The following HSPA12A variants were observed in gnomAD, a reference collection of about 807,000 sequenced individuals.
HSPA12A encodes the protein heat shock 70 kDa protein 12A.
HSPA12A carries 28 observed loss-of-function variants against 69.2 expected under a neutral mutation model. The observed-to-expected ratio is 0.40, with a 90% CI of 0.30 to 0.55. HSPA12A has a LOEUF of 0.55. HSPA12A is among the 20% of genes least tolerant of loss of function. The probability of loss-of-function intolerance (pLI) is 0.38; values close to 1 mark genes in which losing one functional copy is unlikely to be tolerated. For synonymous variants in HSPA12A, 345 were observed against 370.5 expected, an observed-to-expected ratio of 0.93 and a Z score of 0.79; for missense variants, 686 against 900.7, an observed-to-expected ratio of 0.76 and a Z score of 3.05.
chr10:116,699,095 C>T (rs1218670448), intron 4 of HSPA12A, among the ~76,000 whole-genome samples: 1 of 152,058 alleles, frequency 6.6e-6, no homozygotes, highest in Non-Finnish European at 1.5e-5. Context: ...CGTACAATTT[C>T]CACATTCGAA....
chr10:116,784,806 G>A (rs1364296807), intron 2 of HSPA12A, among the ~76,000 whole-genome samples: 1 of 152,158 alleles, frequency 6.6e-6, no homozygotes, highest in Non-Finnish European at 1.5e-5. Flanking sequence ...GGGATAAATA[G>A]AAATCAACAT....
chr10:116,835,823 G>GCTTTA (rs925156462), intron 1 of HSPA12A, among the ~76,000 whole-genome samples: 1 of 152,174 alleles, frequency 6.6e-6, no homozygotes, highest in Non-Finnish European at 1.5e-5. Flanking sequence ...AATTTGGAGA[G>GCTTTA]CTTTACTCAT....
chr10:116,806,323 C>A (rs766644541), intron 2 of HSPA12A, among the ~76,000 whole-genome samples: 1 of 152,202 alleles, frequency 6.6e-6, no homozygotes, highest in Non-Finnish European at 1.5e-5. Flanking sequence ...ACCTCAGCCT[C>A]CTCCTCAGTG....
chr10:116,687,593 G>A (rs1166653178), intron 6 of HSPA12A, among the ~76,000 whole-genome samples: 2 of 152,176 alleles, frequency 1.3e-5, no homozygotes, highest in South Asian at 4.2e-4. Flanking sequence ...AAACCCAGCT[G>A]TCTTTCTCTC....
intron 1 of HSPA12A, among the ~76,000 whole-genome samples, chr10:116,737,938 C>T (rs1554886586): frequency 6.6e-6 from 1 of 152,202 alleles, no homozygotes; most frequent in African/African-American, 2.4e-5. Flanking sequence ...CCTCGCTGGC[C>T]CCGCTCACTC....
intron 2 of HSPA12A, among the ~76,000 whole-genome samples, chr10:116,825,012 AC>A (rs1342163270): frequency 6.8e-6 from 1 of 146,538 alleles, no homozygotes; most frequent in Non-Finnish European, 1.5e-5. Context: ...ACATGGCAAA[AC>A]CCCATCTCTA....
At chr10:116,751,392 A>G (rs1288380916) in intron 2 of HSPA12A, 1 of 153,274 alleles carries the variant, frequency 6.5e-6, no homozygotes, top group Non-Finnish European at 1.5e-5. Flanking sequence ...ACATAATGCA[A>G]TGTACATTTT....
intron 2 of HSPA12A, among the ~76,000 whole-genome samples, chr10:116,804,351 T>TG (rs1845024499): frequency 6.6e-6 from 1 of 152,122 alleles, no homozygotes; most frequent in South Asian, 2.1e-4. Context: ...GTAACAGCGG[T>TG]GGCACCAGGC....
At position 116,724,376 on chromosome 10, in the gene HSPA12A, T is replaced by G. The variant is rs569781180; in HGVS notation, c.41-17091A>C. Among the ~76,000 whole-genome samples, 142 of 152,306 alleles carry G rather than the reference T, an allele frequency of 9.3e-4. 2 individuals are homozygous for G. The South Asian group carries it at 0.027, about 29-fold the overall frequency. ...GGTGCCTGTGAAACATTGTTACATG[T>G]GTAGAATGTGTAATGACTAAGTCAG... On this transcript the variant is annotated intron_variant, in intron 1 of 11. Coordinates refer to ENST00000369209, the MANE Select transcript of HSPA12A (RefSeq NM_025015.3).
intron 2 of HSPA12A, among the ~76,000 whole-genome samples, chr10:116,764,867 CT>C (rs1288626702): frequency 6.6e-6 from 1 of 152,144 alleles, no homozygotes. Context: ...ATGTAGTACT[CT>C]AACTGTGTAT....
At chr10:116,820,493 G>A (rs1396985885) in intron 2 of HSPA12A, among the ~76,000 whole-genome samples, 2 of 152,036 alleles carry the variant, frequency 1.3e-5, no homozygotes, top group African/African-American at 2.4e-5. Flanking sequence ...CTTTGCATCA[G>A]TTCTCAGCCC....
chr10:116,790,113 T>C (rs2133150894), intron 2 of HSPA12A, among the ~76,000 whole-genome samples: 1 of 141,172 alleles, frequency 7.1e-6, no homozygotes, highest in Admixed American at 7.2e-5. Context: ...TTTTTTTTTT[T>C]TTTTTTGAGA....
At chr10:116,778,824 A>C (rs1844398456) in intron 2 of HSPA12A, among the ~76,000 whole-genome samples, 1 of 152,020 alleles carries the variant, frequency 6.6e-6, no homozygotes, top group Admixed American at 6.5e-5. Flanking sequence ...GGTCCTAGCT[A>C]CTCAGAAGGC....
chr10:116,840,612 T>C (rs1414209342), intron 1 of HSPA12A, among the ~76,000 whole-genome samples: 1 of 152,214 alleles, frequency 6.6e-6, no homozygotes, highest in Non-Finnish European at 1.5e-5. Flanking sequence ...TGGCTGAGAA[T>C]AATTTTACAT....
chr10:116,722,699 T>C (rs1850817738), intron 1 of HSPA12A, among the ~76,000 whole-genome samples: 1 of 152,172 alleles, frequency 6.6e-6, no homozygotes, highest in South Asian at 2.1e-4. Context: ...GGGTATTTAA[T>C]TTATGAGAAT....
intron 2 of HSPA12A, among the ~76,000 whole-genome samples, chr10:116,809,505 G>A (rs1352012538): frequency 1.3e-5 from 2 of 152,246 alleles, no homozygotes; most frequent in African/African-American, 2.4e-5. Flanking sequence ...TGTGCAAGGT[G>A]AGGATTCCAC....
intron 2 of HSPA12A, among the ~76,000 whole-genome samples, chr10:116,824,137 C>T (rs1185596249): frequency 1.3e-5 from 2 of 152,032 alleles, no homozygotes; most frequent in Non-Finnish European, 2.9e-5. Context: ...TACAAATGTC[C>T]ACTAAGTATC....
intron 2 of HSPA12A, among the ~76,000 whole-genome samples, chr10:116,805,457 CCT>C (rs1444491781): frequency 6.6e-6 from 1 of 151,892 alleles, no homozygotes; most frequent in Non-Finnish European, 1.5e-5. Flanking sequence ...ATTTTATTTT[CCT>C]TAACAATGAT....
chr10:116,849,929 A>T (rs1202504717), upstream of HSPA12A: 1 of 731,888 alleles, frequency 1.4e-6, no homozygotes, highest in African/African-American at 1.7e-5. Flanking sequence ...CTCCCCAGAG[A>T]AAGTGGCAGA....
Sources: allele counts gnomAD v4.1 joint callset (sites outside exome capture counted in the v4.1 genomes callset), GRCh38; gene constraint gnomAD v4.1.1; transcripts MANE v1.5; gene names NCBI Gene and HGNC (gene_info 2026-07-23, HGNC 2026-07-21).